Variants in STAT4 observed in about 807,000 individuals in gnomAD.
STAT4 encodes signal transducer and activator of transcription 4.
A neutral mutation model predicts 110.5 loss-of-function variants in STAT4; 42 were observed. The observed-to-expected ratio is 0.38, with a 90% confidence interval of 0.30 to 0.49. The LOEUF is 0.49. Ranked by LOEUF, STAT4 falls within the 20% of genes least tolerant of loss-of-function variation. The pLI is 0.95. For synonymous variants in STAT4, 284 were observed against 302.2 expected, an observed-to-expected ratio of 0.94 and a Z score of 0.63; for missense variants, 632 against 887.9, an observed-to-expected ratio of 0.71 and a Z score of 3.66.
rs977642613 is a variant in STAT4 at position 191,135,232 on chromosome 2, A to G, written c.273+11381T>C. Among the ~76,000 whole-genome samples the G allele has an allele frequency of 6.6e-6, 1 of 152,238 alleles. No individual in the cohort carries two copies. Among genetic ancestry groups the G allele is most frequent in the Non-Finnish European group, 1.5e-5 (1 of 68,038 alleles). ...TGAAAAAGGAGACATTACAACTGAC[A>G]TCACGAAAATATAAAAGATCATCAG... On this transcript the variant is annotated intron_variant, in intron 3 of 23. Coordinates refer to ENST00000392320, the MANE Select transcript of STAT4 (RefSeq NM_003151.4). This position sits in a 1 kb window ranked among gnomAD's most constrained non-coding sequence, Gnocchi z 4.8.
rs1480984232 is a variant in STAT4 at position 191,060,062 on chromosome 2, G to T, written c.1035-1293C>A. On this transcript the variant is annotated intron_variant, in intron 10 of 23. Coordinates refer to ENST00000392320, the MANE Select transcript of STAT4 (RefSeq NM_003151.4). This position sits in a 1 kb window ranked among gnomAD's most constrained non-coding sequence, Gnocchi z 4.5. ...AAGGATCACCTATCAAGATGGTGGG[G>T]AATAGGGTGCAGAGGAGGAGGATGG... Among the ~76,000 whole-genome samples, 1 of 152,166 alleles carries T rather than the reference G, an allele frequency of 6.6e-6. No homozygotes were observed. Among genetic ancestry groups the T allele is most frequent in the Non-Finnish European group, 1.5e-5 (1 of 68,024 alleles).
At chr2:191,055,900 T>C (rs994955186) in intron 13 of STAT4, among the ~76,000 whole-genome samples, 84 of 152,334 alleles carry the variant, frequency 5.5e-4, no homozygotes, top group African/African-American at 2.0e-3. Flanking sequence ...CTTTACTTAT[T>C]ACTAAACATG....
chr2:191,081,800 T>C (rs1231642121), intron 3 of STAT4, among the ~76,000 whole-genome samples: 6 of 152,184 alleles, frequency 3.9e-5, no homozygotes, highest in Admixed American at 1.3e-4. Flanking sequence ...AAATTCATAA[T>C]CCTGGACTCC....
chr2:191,143,033 C>T lies in STAT4; in HGVS notation c.273+3580G>A, dbSNP rs964405235. On this transcript the variant is annotated intron_variant, in intron 3 of 23. Transcript: ENST00000392320. This position sits in a 1 kb window ranked among gnomAD's most constrained non-coding sequence, Gnocchi z 5.6. ...GTCAACTGTCACAAATGTATGCTAC[C>T]AATGCAAGACATGAATAATAGGTGA... is the stretch of plus-strand genomic sequence containing the variant. Among the ~76,000 whole-genome samples the T allele has an allele frequency of 6.6e-6, 1 of 151,974 alleles. No individual in the cohort carries two copies. Among genetic ancestry groups the T allele is most frequent in the Admixed American group, 6.6e-5 (1 of 15,250 alleles).
chr2:191,045,991 A>G (rs955738262), intron 14 of STAT4, among the ~76,000 whole-genome samples: 1 of 152,214 alleles, frequency 6.6e-6, no homozygotes, highest in African/African-American at 2.4e-5. Flanking sequence ...TCTTGAGTAT[A>G]GGCACCAAGA....
intron 3 of STAT4, chr2:191,131,728 T>C (rs1251973286): frequency 8.1e-7 from 1 of 1,229,344 alleles, no homozygotes; most frequent in Non-Finnish European, 1.0e-6. Flanking sequence ...CTCCGATGTT[T>C]TGTATTAGAA....
rs1273568420 is a variant in STAT4, at chr2:191,135,865, G to A, written c.273+10748C>T. ...AAGAGGAAGAAATTCTCCCTAGCTC[G>A]TTCTATGCCAGCACTACCCTGGTAC... On this transcript the variant is annotated intron_variant, in intron 3 of 23. Transcript: ENST00000392320. This position sits in a 1 kb window ranked among gnomAD's most constrained non-coding sequence, Gnocchi z 4.8. Among the ~76,000 whole-genome samples the A allele has an allele frequency of 1.3e-5, 2 of 151,954 alleles. No homozygotes were observed. The highest frequency in any genetic ancestry group is 4.8e-5 in the African/African-American group (2 of 41,370).
chr2:191,058,453 G>A lies in STAT4; in HGVS notation c.1095-234C>T, dbSNP rs976019874. Among the ~76,000 whole-genome samples, 3 of 152,018 alleles carry A rather than the reference G, an allele frequency of 2.0e-5. No homozygotes were observed. Among genetic ancestry groups the A allele is most frequent in the East Asian group, 1.9e-4 (1 of 5,182 alleles). On this transcript the variant is annotated intron_variant, in intron 11 of 23. Transcript: ENST00000392320. The surrounding 1 kb of genome is among the most constrained non-coding windows in gnomAD (Gnocchi z 4.3). ...GCTGGGATTACAGGCATGAGCCGCC[G>A]CACCCGGTCTCTATGATACTTTAAA...
rs73981263 is a variant in STAT4, at chr2:191,082,679, C to T, written c.274-6354G>A. On this transcript the variant is annotated intron_variant, in intron 3 of 23. Coordinates refer to ENST00000392320, the MANE Select transcript of STAT4 (RefSeq NM_003151.4). The surrounding 1 kb of genome is among the most constrained non-coding windows in gnomAD (Gnocchi z 4.7). Reference sequence around the variant, plus strand: ...TTCCTTCAAATTCCCCTTCCACAGCCTTTCTATCTAATTTCCAAATTTGAC... The same window carrying T: ...TTCCTTCAAATTCCCCTTCCACAGCTTTTCTATCTAATTTCCAAATTTGAC... Among the ~76,000 whole-genome samples, 225 of 152,346 alleles carry T rather than the reference C, an allele frequency of 1.5e-3. No homozygotes were observed. Among genetic ancestry groups the T allele is most frequent in the African/African-American group, 5.2e-3 (217 of 41,584 alleles).
At chr2:191,121,253 A>G (rs1027858160) in intron 3 of STAT4, among the ~76,000 whole-genome samples, 6 of 152,352 alleles carry the variant, frequency 3.9e-5, no homozygotes, top group African/African-American at 1.4e-4. Context: ...AATGGCAATC[A>G]TTAAAAAGTC....
chr2:191,150,927 G>A lies in STAT4; in HGVS notation c.-2+20C>T, dbSNP rs1170624037. 2 of 985,634 alleles carry A rather than the reference G, an allele frequency of 2.0e-6. No individual in the cohort carries two copies. The highest frequency in any genetic ancestry group is 9.4e-5 in the South Asian group (2 of 21,292). The allele number at this position is 985,634 out of a possible 1,614,324, so 61.1% of individuals were successfully genotyped here. On this transcript the variant is annotated intron_variant, in intron 1 of 23. Coordinates refer to ENST00000392320, the MANE Select transcript of STAT4 (RefSeq NM_003151.4). This position sits in a 1 kb window ranked among gnomAD's most constrained non-coding sequence, Gnocchi z 6.4. ...TCCTCCTTACAAGAGGCAGCCAGAA[G>A]GTGTGGTCTGGCCACTTACCTAGCG...
At chr2:191,034,422 C>CAA (rs375344996) in intron 18 of STAT4, 126 bp downstream of exon 18, 1,930 of 509,620 alleles carry the variant, frequency 3.8e-3, no homozygotes, top group East Asian at 5.6e-3. Flanking sequence ...GACTCTATCT[C>CAA]AAAAAAAAAA....
At position 191,147,132 on chromosome 2, in the gene STAT4, C is replaced by T. The variant is rs1699482939; in HGVS notation, c.129-375G>A. On this transcript the variant is annotated intron_variant, in intron 2 of 23. Coordinates refer to ENST00000392320, the MANE Select transcript of STAT4 (RefSeq NM_003151.4). This position sits in a 1 kb window ranked among gnomAD's most constrained non-coding sequence, Gnocchi z 4.1. ...ATTAAACATAAAATTGCTATATGAC[C>T]CAGCAATTCCACATCTGGATATATA... Among the ~76,000 whole-genome samples the T allele has an allele frequency of 6.6e-6, 1 of 151,954 alleles. No homozygotes were observed. Among genetic ancestry groups the T allele is most frequent in the South Asian group, 2.1e-4 (1 of 4,816 alleles).
In STAT4 at chr2:191,086,984, TAGA is replaced by T. The variant is rs1311560720; in HGVS notation, c.274-10662_274-10660del. Among the ~76,000 whole-genome samples, 1 of 152,168 alleles carries T rather than the reference TAGA, an allele frequency of 6.6e-6. No homozygotes were observed. The highest frequency in any genetic ancestry group is 2.4e-5 in the African/African-American group (1 of 41,438). ...GCAATCTGAAGTGCCTCAGAGGCTCTAGAAAACTAGTATAGAGACTGATTGCTC... is the reference window on the plus strand; with the variant it reads ...GCAATCTGAAGTGCCTCAGAGGCTCTAAACTAGTATAGAGACTGATTGCTC... On this transcript the variant is annotated intron_variant, in intron 3 of 23. Coordinates refer to ENST00000392320, the MANE Select transcript of STAT4 (RefSeq NM_003151.4). The surrounding 1 kb of genome is among the most constrained non-coding windows in gnomAD (Gnocchi z 5.5).
In STAT4 at chr2:191,037,102, T is replaced by C. The variant is rs138434533; in HGVS notation, c.1435-803A>G. Among the ~76,000 whole-genome samples, 1,218 of 152,300 alleles carry C rather than the reference T, an allele frequency of 8.0e-3. 18 individuals carry two copies. Among genetic ancestry groups the C allele is most frequent in the African/African-American group, 0.027 (1,143 of 41,564 alleles). ...AAAAGTAATTTGACAGATACTCTTT[T>C]CTAAAACAATATTCATCCTAAACAA... On this transcript the variant is annotated intron_variant, in intron 16 of 23. Transcript: ENST00000392320. The surrounding 1 kb of genome is among the most constrained non-coding windows in gnomAD (Gnocchi z 4.8).
rs938231505 is a variant in STAT4 at position 191,073,107 on chromosome 2, G to C, written c.456C>G (p.Asn152Lys). The part of the protein sequence containing the change: ...NVEHKVAAIK[N>K]SVQMTEQDTK... ...GTATAAAAGCACTTACCTGCACACT[G>C]TTTTTAATGGCAGCCACTTTGTGCT... Residue 152 changes from asparagine to lysine, a missense_variant, in exon 5 of 24, where the codon AAC (asparagine) becomes AAG (lysine). By Grantham distance (94) the Asn-to-Lys change is moderately conservative. Transcript: ENST00000392320. 2 of 1,613,920 alleles carry C rather than the reference G, an allele frequency of 1.2e-6. No homozygotes were observed. The highest frequency in any genetic ancestry group is 1.7e-6 in the Non-Finnish European group (2 of 1,179,856).
rs1333470468 is a variant in STAT4, at chr2:191,099,735, CTG to C, written c.274-23412_274-23411del. 6.6e-6 allele frequency among the ~76,000 whole-genome samples: 1 copy of C among 151,968 alleles called. No individual in the cohort carries two copies. Among genetic ancestry groups the C allele is most frequent in the Non-Finnish European group, 1.5e-5 (1 of 67,966 alleles). ...CACATATGGAAAGGTTCACACTTGA[CTG>C]TTAATACGGATGTCTTTGAAGGTAG... On this transcript the variant is annotated intron_variant, in intron 3 of 23. Coordinates refer to ENST00000392320, the MANE Select transcript of STAT4 (RefSeq NM_003151.4). This position sits in a 1 kb window ranked among gnomAD's most constrained non-coding sequence, Gnocchi z 4.1.
chr2:191,113,739 C>T lies in STAT4; in HGVS notation c.273+32874G>A, dbSNP rs957346945. Among the ~76,000 whole-genome samples the T allele has an allele frequency of 1.3e-5, 2 of 152,134 alleles. No homozygotes were observed. The highest frequency in any genetic ancestry group is 4.8e-5 in the African/African-American group (2 of 41,432). On this transcript the variant is annotated intron_variant, in intron 3 of 23. Transcript: ENST00000392320. This position sits in a 1 kb window ranked among gnomAD's most constrained non-coding sequence, Gnocchi z 4.8. ...AAATAGGATAGAGAAAAAATAATTA[C>T]GGAAACCAGTATAAAGAAAATCTGT...
chr2:191,047,510 C>T (rs925431255), intron 14 of STAT4, among the ~76,000 whole-genome samples: 2 of 152,024 alleles, frequency 1.3e-5, no homozygotes, highest in Non-Finnish European at 2.9e-5. Flanking sequence ...TGTAGATGCC[C>T]AGTTTGTGTC....
Sources: gnomAD v4.1 joint callset for allele counts (sites outside exome capture counted in the v4.1 genomes callset) on GRCh38, gnomAD v4.1.1 for gene constraint, Gnocchi (gnomAD v3.1) non-coding constraint, MANE v1.5 for transcripts, NCBI Gene and HGNC (gene_info 2026-07-23, HGNC 2026-07-21) for gene names.